The following CCDC170 variants were observed in gnomAD, a reference collection of about 807,000 sequenced individuals.
CCDC170 encodes coiled-coil domain-containing protein 170.
In CCDC170, 69 loss-of-function variants were observed where a neutral mutation model predicts 72.6. That is an observed-to-expected ratio of 0.95 (90% CI 0.78 to 1.16). The LOEUF (loss-of-function observed/expected upper bound fraction) is 1.16. CCDC170 is among the 50% of genes most tolerant of loss of function. The pLI, the probability that CCDC170 is intolerant of heterozygous loss-of-function variation, is 0.00. For synonymous variants in CCDC170, 300 were observed against 303.9 expected, an observed-to-expected ratio of 0.99 and a Z score of 0.13; for missense variants, 852 against 832.5, an observed-to-expected ratio of 1.02 and a Z score of -0.29.
intron 1 of CCDC170, among the ~76,000 whole-genome samples, chr6:151,511,677 A>G (rs1415975583): frequency 1.3e-5 from 2 of 152,210 alleles, no homozygotes; most frequent in Non-Finnish European, 2.9e-5. Context: ...ACAGTACTGG[A>G]AAACAGAGGG....
In CCDC170 at chr6:151,619,871, T is replaced by A. The variant is rs916160639; in HGVS notation, c.*1724T>A. 6.6e-6 allele frequency: 1 copy of A among 152,112 alleles called. No homozygotes were observed. The highest frequency in any genetic ancestry group is 1.5e-5 in the Non-Finnish European group (1 of 68,026). 9.4% of individuals were successfully genotyped at this position (152,112 alleles called of 1,614,324 possible). The stretch of plus-strand genomic sequence containing the variant: ...AGTCATAATAAGCAAATTATTGGCT[T>A]CTTTCTTCTAGACTAAAAGAAATTA... On this transcript the variant is annotated 3_prime_UTR_variant, in exon 11 of 11. Transcript: ENST00000239374.
At chr6:151,544,471 A>T in intron 3 of CCDC170, 101 bp from the exon 4 acceptor site, 1 of 1,145,324 alleles carries the variant, frequency 8.7e-7, no homozygotes, top group Non-Finnish European at 1.2e-6. Flanking sequence ...TGTGTTGAAA[A>T]TGACAATTAT....
chr6:151,572,651 T>TTTTTTTTTTTTTG (rs1776236268), intron 5 of CCDC170, among the ~76,000 whole-genome samples: 13 of 74,416 alleles, frequency 1.7e-4, no homozygotes. Flanking sequence ...TTCTCTGTGT[T>TTTTTTTTTTTTTG]TTTTTTTTTT....
rs561725151 is a variant in CCDC170, at chr6:151,568,088, C to T, written c.775-5086C>T. Reference sequence around the variant, plus strand: ...TCATGCCACTGCACTCCAGCCTGGGCGACAGAGTGAGACTCTGAAAAAAAA... The same window carrying T: ...TCATGCCACTGCACTCCAGCCTGGGTGACAGAGTGAGACTCTGAAAAAAAA... On this transcript the variant is annotated intron_variant, in intron 5 of 10. Coordinates refer to ENST00000239374, the MANE Select transcript of CCDC170 (RefSeq NM_025059.4). 5.2e-4 allele frequency among the ~76,000 whole-genome samples: 58 copies of T among 110,560 alleles called. 1 individual carries two copies. Among genetic ancestry groups the T allele is most frequent in the African/African-American group, 2.0e-3 (55 of 27,336 alleles). The allele number at this position is 110,560 out of a possible 152,430, so 72.5% of individuals were successfully genotyped here.
chr6:151,592,717 C>T (rs1378344162), intron 7 of CCDC170, among the ~76,000 whole-genome samples: 1 of 152,160 alleles, frequency 6.6e-6, no homozygotes, highest in Non-Finnish European at 1.5e-5. Context: ...GTGACACAGC[C>T]AAACCATATC....
chr6:151,597,549 T>C (rs910164894), intron 9 of CCDC170, among the ~76,000 whole-genome samples: 5 of 152,194 alleles, frequency 3.3e-5, no homozygotes, highest in African/African-American at 1.2e-4. Flanking sequence ...AATGAGAAAA[T>C]GGGCACAACT....
chr6:151,556,623 G>A (rs1384386364), intron 5 of CCDC170, among the ~76,000 whole-genome samples: 2 of 152,150 alleles, frequency 1.3e-5, no homozygotes, highest in Admixed American at 1.3e-4. Context: ...ATACTTGTAT[G>A]TATTTAACGG....
At chr6:151,609,027 T>C (rs1412582151) in intron 9 of CCDC170, among the ~76,000 whole-genome samples, 1 of 152,222 alleles carries the variant, frequency 6.6e-6, no homozygotes, top group Non-Finnish European at 1.5e-5. Flanking sequence ...AAGCTGATCC[T>C]GGCTGACTGC....
intron 9 of CCDC170, among the ~76,000 whole-genome samples, chr6:151,609,592 G>A (rs1776838267): frequency 6.6e-6 from 1 of 152,184 alleles, no homozygotes; most frequent in African/African-American, 2.4e-5. Context: ...TAGAGTCTGA[G>A]TGGCACATCA....
At chr6:151,536,207 T>G in intron 1 of CCDC170, 111 bp from the exon 2 acceptor site, 1 of 1,231,786 alleles carries the variant, frequency 8.1e-7, no homozygotes, top group Non-Finnish European at 1.2e-6. Flanking sequence ...ATGTTTGACA[T>G]ATTTGGAATA....
Position 151,619,129 on chromosome 6 carries a change from G to C in CCDC170, c.*982G>C, listed in dbSNP as rs1427238751. 2.0e-5 allele frequency: 3 copies of C among 151,618 alleles called. No homozygotes were observed. The East Asian group carries it at 5.8e-4, about 29-fold the overall frequency. The allele number at this position is 151,618 out of a possible 1,614,324, so 9.4% of individuals were successfully genotyped here. A position where few individuals can be genotyped will look rare whatever the true frequency, so the allele number is the denominator to read the frequency against. On this transcript the variant is annotated 3_prime_UTR_variant, in exon 11 of 11. Transcript: ENST00000239374. ...ATTCATTTGGATCAAACTTACATAG[G>C]TCTCAGGTCCTGTAAGAAACTTGCC... is the stretch of plus-strand genomic sequence containing the variant.
chr6:151,545,590 T>C (rs1281478276), intron 4 of CCDC170, among the ~76,000 whole-genome samples: 1 of 152,192 alleles, frequency 6.6e-6, no homozygotes, highest in Non-Finnish European at 1.5e-5. Flanking sequence ...CCTTGCTTCC[T>C]GACAGATTTC....
intron 7 of CCDC170, among the ~76,000 whole-genome samples, chr6:151,586,777 T>C (rs970063784): frequency 2.6e-5 from 4 of 151,928 alleles, no homozygotes; most frequent in African/African-American, 9.7e-5. Context: ...TTATTTTATG[T>C]TTATGTTTAT....
At chr6:151,584,461 CGG>C (rs1288853109) in intron 6 of CCDC170, among the ~76,000 whole-genome samples, 1 of 151,986 alleles carries the variant, frequency 6.6e-6, no homozygotes, top group Non-Finnish European at 1.5e-5. Flanking sequence ...GAATTTCAAA[CGG>C]CATGAGAATA....
At chr6:151,530,406 C>T (rs1210689977) in intron 1 of CCDC170, among the ~76,000 whole-genome samples, 1 of 150,284 alleles carries the variant, frequency 6.7e-6, no homozygotes, top group Non-Finnish European at 1.5e-5. Flanking sequence ...TCTTATAGAA[C>T]TATCTTTTCA....
At chr6:151,591,747 G>A (rs140886732) in intron 7 of CCDC170, among the ~76,000 whole-genome samples, 2,643 of 151,932 alleles carry the variant, frequency 0.017, 88 homozygotes, top group African/African-American at 0.06. Context: ...TGCCCTCCTC[G>A]GCCTCCCAAA....
At chr6:151,573,577 T>A in intron 6 of CCDC170, 86 bp downstream of exon 6, 1 of 1,261,988 alleles carries the variant, frequency 7.9e-7, no homozygotes, top group Non-Finnish European at 1.1e-6. Context: ...TAGTCTATTC[T>A]CACGCTGCTA....
At chr6:151,567,228 C>A (rs545817960) in intron 5 of CCDC170, among the ~76,000 whole-genome samples, 25 of 152,038 alleles carry the variant, frequency 1.6e-4, no homozygotes, top group Non-Finnish European at 3.2e-4. Context: ...CCCTGTGAAA[C>A]TGTTTTTATG....
chr6:151,556,964 A>G (rs1215223743), intron 5 of CCDC170, among the ~76,000 whole-genome samples: 1 of 152,070 alleles, frequency 6.6e-6, no homozygotes, highest in Admixed American at 6.6e-5. Context: ...GTTCCTGCAT[A>G]TGAGTGAGAA....
Sources: allele counts gnomAD v4.1 joint callset (sites outside exome capture counted in the v4.1 genomes callset), GRCh38; gene constraint gnomAD v4.1.1; transcripts MANE v1.5; gene names NCBI Gene and HGNC (gene_info 2026-07-23, HGNC 2026-07-21).